Variants in TENM2 observed in about 807,000 individuals in gnomAD.
The protein encoded by TENM2 is teneurin-2.
In TENM2, 52 loss-of-function variants were observed where a neutral mutation model predicts 245.2. The observed-to-expected ratio is 0.21, with a 90% CI of 0.17 to 0.27. The LOEUF is 0.27. Ranked by LOEUF, TENM2 falls within the 10% of genes least tolerant of loss-of-function variation. The pLI, the probability that TENM2 is intolerant of heterozygous loss-of-function variation, is 1.00. For missense variants in TENM2, 3,046 were observed against 3,666.8 expected (o/e 0.83, Z 4.37); for synonymous variants, 1,363 against 1,438.9 (o/e 0.95, Z 1.19).
At chr5:167,008,189 T>C in the TENM2 span, among the ~76,000 whole-genome samples, 2 of 152,244 alleles carry the variant, frequency 1.3e-5, no homozygotes, top group Admixed American at 1.3e-4. Flanking sequence ...CTGGGATTTC[T>C]GTAGTTTATA....
chr5:167,855,559 G>A (rs1486268945), intron 2 of TENM2, among the ~76,000 whole-genome samples: 1 of 151,788 alleles, frequency 6.6e-6, no homozygotes, highest in Admixed American at 6.6e-5. Flanking sequence ...AGAAGGAAAG[G>A]ACTGTTTGCT....
At chr5:167,875,360 A>G (rs1426422460) in intron 2 of TENM2, among the ~76,000 whole-genome samples, 2 of 152,128 alleles carry the variant, frequency 1.3e-5, no homozygotes, top group African/African-American at 2.4e-5. Context: ...AGAAATAAAG[A>G]TGACCATATT....
intron 5 of TENM2, among the ~76,000 whole-genome samples, chr5:168,033,903 T>A (rs1265346571): frequency 6.6e-6 from 1 of 151,798 alleles, no homozygotes; most frequent in African/African-American, 2.4e-5. Context: ...TGTGGGCACC[T>A]ATAGTCCCAG....
At chr5:167,238,823 G>C in the TENM2 span, among the ~76,000 whole-genome samples, 7 of 152,024 alleles carry the variant, frequency 4.6e-5, no homozygotes, top group Non-Finnish European at 7.4e-5. Flanking sequence ...TCACTGATCA[G>C]GAAGAGATGT....
At chr5:168,195,859 A>C (rs1761387940) in intron 15 of TENM2, among the ~76,000 whole-genome samples, 1 of 152,038 alleles carries the variant, frequency 6.6e-6, no homozygotes, top group Non-Finnish European at 1.5e-5. Context: ...GAAGGAGGCA[A>C]CCTTTCCCTA....
chr5:167,357,511 C>T (rs1039528694), intron 1 of TENM2, among the ~76,000 whole-genome samples: 1 of 152,090 alleles, frequency 6.6e-6, no homozygotes, highest in African/African-American at 2.4e-5. Flanking sequence ...CCTCCCGCCT[C>T]AGCCTCCCAA....
In TENM2 at chr5:167,406,031, G is replaced by T. The variant is rs73801208; in HGVS notation, c.502+30558G>T. Among the ~76,000 whole-genome samples the T allele has an allele frequency of 1.7e-3, 254 of 152,020 alleles. 1 individual carries two copies. The highest frequency in any genetic ancestry group is 5.6e-3 in the African/African-American group (231 of 41,482). ...GAAGAATACATTGAATATAAACAGG[G>T]CCTCTTAGAGCAGTCAGAGAGCATA... On this transcript the variant is annotated intron_variant, in intron 2 of 28. Transcript: ENST00000518659.
chr5:167,596,701 C>T (rs2127717677), intron 2 of TENM2, among the ~76,000 whole-genome samples: 1 of 150,910 alleles, frequency 6.6e-6, no homozygotes, highest in South Asian at 2.1e-4. Context: ...GAGGCTGAGG[C>T]AGGAGAGTGC....
Position 167,486,349 on chromosome 5 carries a change from G to A in TENM2, c.502+110876G>A, listed in dbSNP as rs866635461. ...TTCTTTTTTTTTTTTTTTCTTTTGA[G>A]ACAGAGTCTCACTCTGTCGCCCAGG... On this transcript the variant is annotated intron_variant, in intron 2 of 28. Transcript: ENST00000518659. Among the ~76,000 whole-genome samples the A allele has an allele frequency of 2.6e-3, 376 of 142,954 alleles. 2 individuals are homozygous for A. The highest frequency in any genetic ancestry group is 9.3e-3 in the African/African-American group (357 of 38,418). 93.8% of individuals were successfully genotyped at this position (142,954 alleles called of 152,430 possible). A position where few individuals can be genotyped will look rare whatever the true frequency, so the allele number is the denominator to read the frequency against.
At chr5:167,941,825 G>C (rs1267927035) in intron 3 of TENM2, among the ~76,000 whole-genome samples, 1 of 152,080 alleles carries the variant, frequency 6.6e-6, no homozygotes, top group East Asian at 1.9e-4. Context: ...CTGCACTCCA[G>C]CCTGAGTGAC....
the TENM2 span, among the ~76,000 whole-genome samples, chr5:167,113,078 C>T: frequency 6.6e-6 from 1 of 152,094 alleles, no homozygotes; most frequent in African/African-American, 2.4e-5. Flanking sequence ...AATGCAGTTT[C>T]AGGTAAGAGT....
At chr5:167,293,150 G>C (rs964536870) in intron 1 of TENM2, among the ~76,000 whole-genome samples, 3 of 152,150 alleles carry the variant, frequency 2.0e-5, no homozygotes, top group Non-Finnish European at 4.4e-5. Flanking sequence ...AACTAGGATA[G>C]CAGAGATTGT....
intron 2 of TENM2, among the ~76,000 whole-genome samples, chr5:167,850,533 G>A (rs938913376): frequency 1.3e-5 from 2 of 152,130 alleles, no homozygotes; most frequent in Non-Finnish European, 2.9e-5. Flanking sequence ...ATCCTCCCGA[G>A]TTCAAAATTT....
At chr5:167,527,869 A>G (rs1176603139) in intron 2 of TENM2, among the ~76,000 whole-genome samples, 1 of 152,064 alleles carries the variant, frequency 6.6e-6, no homozygotes, top group Admixed American at 6.6e-5. Context: ...CAATGTACTA[A>G]CAAGGCCGAG....
chr5:167,452,502 A>T (rs10063642), intron 2 of TENM2, among the ~76,000 whole-genome samples: 5,082 of 152,232 alleles, frequency 0.033, 136 homozygotes, highest in African/African-American at 0.073. Context: ...GAATCCAAGG[A>T]TGCCATAGTT....
chr5:167,939,497 G>C (rs993335799), intron 3 of TENM2, among the ~76,000 whole-genome samples: 1 of 152,164 alleles, frequency 6.6e-6, no homozygotes, highest in East Asian at 1.9e-4. Context: ...CTCTATCCAA[G>C]CTCTATTTCC....
At chr5:167,630,624 T>C (rs1778805428) in intron 2 of TENM2, among the ~76,000 whole-genome samples, 1 of 152,184 alleles carries the variant, frequency 6.6e-6, no homozygotes, top group African/African-American at 2.4e-5. Context: ...TATATGGTGA[T>C]TTTTATGACT....
rs1768076316 is a variant in TENM2 at position 168,260,418 on chromosome 5, G to A, written c.7563+5G>A. On this transcript the variant is annotated splice_donor_5th_base_variant and intron_variant, in intron 28 of 28. Coordinates refer to ENST00000518659, the Ensembl canonical transcript of TENM2. Reference sequence around the variant, plus strand: ...CAAGCAAGTGAGAATGGACAGGTAAGCAGAGGTTCCTGCCAAGAATCCAAA... The same window carrying A: ...CAAGCAAGTGAGAATGGACAGGTAAACAGAGGTTCCTGCCAAGAATCCAAA... The A allele has an allele frequency of 1.2e-6, 2 of 1,613,288 alleles. No homozygotes were observed. The highest frequency in any genetic ancestry group is 2.7e-5 in the African/African-American group (2 of 75,026).
the TENM2 span, among the ~76,000 whole-genome samples, chr5:167,140,147 TA>T: frequency 1.6e-4 from 24 of 152,130 alleles, no homozygotes; most frequent in East Asian, 5.8e-4. Context: ...TTTTTTACTT[TA>T]AAAAAAATTT....
Sources: gnomAD v4.1 joint callset for allele counts (sites outside exome capture counted in the v4.1 genomes callset) on GRCh38, gnomAD v4.1.1 for gene constraint, MANE v1.5 for transcripts, NCBI Gene and HGNC (gene_info 2026-07-23, HGNC 2026-07-21) for gene names.